Variants in PCDHGA2 observed in about 807,000 individuals in gnomAD.
PCDHGA2 encodes the protein protocadherin gamma subfamily A, 2, also known as protocadherin gamma-A2.
A neutral mutation model predicts 59.2 loss-of-function variants in PCDHGA2; 40 were observed. The observed-to-expected ratio is 0.68, with a 90% CI of 0.52 to 0.88. The LOEUF is 0.88. Ranked by LOEUF, PCDHGA2 falls within the 40% of genes least tolerant of loss-of-function variation. PCDHGA2 has a pLI of 0.00. For missense variants in PCDHGA2, 1,226 were observed against 1,204.0 expected (o/e 1.02, Z -0.27); for synonymous variants, 560 against 526.0 (o/e 1.06, Z -0.89).
intron 2 of PCDHGA2, among the ~76,000 whole-genome samples, chr5:141,496,054 G>A (rs180707408): frequency 6.6e-6 from 1 of 150,988 alleles, no homozygotes; most frequent in Admixed American, 6.6e-5. Context: ...TTTTGTGCTT[G>A]TGGGCAAGCC....
intron 1 of PCDHGA2, chr5:141,361,665 G>T: frequency 6.2e-7 from 1 of 1,613,696 alleles, no homozygotes. Flanking sequence ...TGAGCGCGCA[G>T]AGCGGGGTGG....
intron 1 of PCDHGA2, chr5:141,418,458 T>C: frequency 6.2e-7 from 1 of 1,614,010 alleles, no homozygotes; most frequent in African/African-American, 1.3e-5. Context: ...CAGAAGACTC[T>C]GGACCGAGAA....
intron 1 of PCDHGA2, chr5:141,385,861 G>A (rs561611576): frequency 8.5e-5 from 13 of 153,290 alleles, no homozygotes; most frequent in African/African-American, 2.6e-4. Flanking sequence ...GGTGGTAGTA[G>A]AAGGTTGGAT....
chr5:141,486,901 T>A lies in PCDHGA2; in HGVS notation c.2425-7906T>A. The A allele has an allele frequency of 6.2e-7, 1 of 1,614,238 alleles. No homozygotes were observed. Among genetic ancestry groups the A allele is most frequent in the Non-Finnish European group, 8.5e-7 (1 of 1,180,042 alleles). ...CTCGGGCCCGGCCTGGTTCCTTATG[T>A]CCCCAAGCACTGCCTCCATCAGTTG... On this transcript the variant is annotated intron_variant, in intron 1 of 3. Transcript: ENST00000394576. This position sits in a 1 kb window ranked among gnomAD's most constrained non-coding sequence, Gnocchi z 5.0.
intron 1 of PCDHGA2, chr5:141,419,579 C>A: frequency 6.2e-7 from 1 of 1,611,812 alleles, no homozygotes; most frequent in Non-Finnish European, 8.5e-7. Flanking sequence ...CGGCTCCGCG[C>A]TCTTCGACAC....
intron 1 of PCDHGA2, chr5:141,357,172 G>A: frequency 6.2e-7 from 1 of 1,613,706 alleles, no homozygotes; most frequent in Non-Finnish European, 8.5e-7. Flanking sequence ...CTCGGCCACC[G>A]TCACACTCAC....
At chr5:141,351,054 A>T in intron 1 of PCDHGA2, 1 of 1,614,056 alleles carries the variant, frequency 6.2e-7, no homozygotes, top group Non-Finnish European at 8.5e-7. Context: ...ATGGCCACAG[A>T]CCAGGATGAG....
At chr5:141,404,153 T>G in intron 1 of PCDHGA2, 1 of 1,613,010 alleles carries the variant, frequency 6.2e-7, no homozygotes, top group Non-Finnish European at 8.5e-7. Context: ...AGAAGAAGAT[T>G]ATTACAGATT....
chr5:141,447,852 G>A (rs375081279), intron 1 of PCDHGA2, among the ~76,000 whole-genome samples: 2 of 152,144 alleles, frequency 1.3e-5, no homozygotes, highest in East Asian at 3.9e-4. Context: ...TTGGGAGGCC[G>A]AGGTGGGTGA....
At chr5:141,403,342 C>T (rs766669117) in intron 1 of PCDHGA2, 4 of 1,613,976 alleles carry the variant, frequency 2.5e-6, no homozygotes, top group African/African-American at 1.3e-5. Context: ...ACGACAGCGC[C>T]CCAAAGTTCC....
At chr5:141,364,514 C>A in intron 1 of PCDHGA2, 2 of 1,614,006 alleles carry the variant, frequency 1.2e-6, no homozygotes, top group Non-Finnish European at 1.7e-6. Context: ...GCTGGCGGAG[C>A]GCGGAGTCCG....
intron 1 of PCDHGA2, chr5:141,376,588 T>A: frequency 6.3e-7 from 1 of 1,575,434 alleles, no homozygotes; most frequent in South Asian, 1.2e-5. Flanking sequence ...ATCAGCTAGA[T>A]CGGCTGTTAT....
intron 1 of PCDHGA2, chr5:141,345,965 G>A: frequency 1.2e-6 from 2 of 1,613,540 alleles, no homozygotes; most frequent in South Asian, 2.2e-5. Flanking sequence ...GCCTCGTGGT[G>A]GCCGTCCAGG....
In PCDHGA2 at chr5:141,409,864, C is replaced by A. The variant is rs772646188; in HGVS notation, c.2424+68469C>A. The A allele has an allele frequency of 1.9e-6, 3 of 1,612,574 alleles. No individual in the cohort carries two copies. The East Asian group carries it at 6.7e-5, about 36-fold the overall frequency. Reference sequence around the variant, plus strand: ...TGAGCCTGCGCGTGTTGGTGGGAGACCGCAATGACAACGCACCGCGGGTGC... The same window carrying A: ...TGAGCCTGCGCGTGTTGGTGGGAGAACGCAATGACAACGCACCGCGGGTGC... On this transcript the variant is annotated intron_variant, in intron 1 of 3. Transcript: ENST00000394576.
intron 2 of PCDHGA2, among the ~76,000 whole-genome samples, chr5:141,498,795 T>C (rs2099785702): frequency 6.6e-6 from 1 of 152,032 alleles, no homozygotes; most frequent in Admixed American, 6.6e-5. Context: ...TAGCCAGGTG[T>C]GGTGGTGCAC....
intron 1 of PCDHGA2, chr5:141,419,616 A>G (rs1291494618): frequency 6.2e-7 from 1 of 1,612,086 alleles, no homozygotes; most frequent in African/African-American, 1.3e-5. Flanking sequence ...CAGCCAGGCT[A>G]CCTGGTGACC....
chr5:141,432,569 C>T lies in PCDHGA2; in HGVS notation c.2425-62238C>T. The T allele has an allele frequency of 6.2e-7, 1 of 1,613,920 alleles. No homozygotes were observed. On this transcript the variant is annotated intron_variant, in intron 1 of 3. Coordinates refer to ENST00000394576, the MANE Select transcript of PCDHGA2 (RefSeq NM_018915.4). This position sits in a 1 kb window ranked among gnomAD's most constrained non-coding sequence, Gnocchi z 6.0. ...CAGAGACTCCGGCCAGAACGCCTGG[C>T]TGTCCTACCGTCTGCTCAAGGCCAG...
chr5:141,384,768 G>C (rs1046016115), intron 1 of PCDHGA2: 4 of 1,613,804 alleles, frequency 2.5e-6, no homozygotes, highest in Non-Finnish European at 3.4e-6. Context: ...GGCTGTACAC[G>C]GGCGAGGTGC....
intron 1 of PCDHGA2, among the ~76,000 whole-genome samples, chr5:141,434,452 G>T (rs2097695209): frequency 6.6e-6 from 1 of 152,334 alleles, no homozygotes; most frequent in African/African-American, 2.4e-5. Flanking sequence ...CTGGAAGGTA[G>T]TGGGTTTACC....
Sources: gnomAD v4.1 joint callset for allele counts (sites outside exome capture counted in the v4.1 genomes callset) on GRCh38, gnomAD v4.1.1 for gene constraint, Gnocchi (gnomAD v3.1) non-coding constraint, MANE v1.5 for transcripts, NCBI Gene and HGNC (gene_info 2026-07-23, HGNC 2026-07-21) for gene names.